Variants in CSN3 observed in about 807,000 individuals in gnomAD.
CSN3 encodes kappa-casein.
A neutral mutation model predicts 9.9 loss-of-function variants in CSN3; 7 were observed. That is an observed-to-expected ratio of 0.71 (90% CI 0.40 to 1.33). The LOEUF is 1.33. CSN3 is among the 40% of genes most tolerant of loss of function. The pLI is 0.01. For missense variants in CSN3, 253 were observed against 227.9 expected, an observed-to-expected ratio of 1.11 and a Z score of -0.71; for synonymous variants, 88 against 82.3, an observed-to-expected ratio of 1.07 and a Z score of -0.37.
intron 1 of CSN3, among the ~76,000 whole-genome samples, chr4:70,243,439 TC>T (rs1730310752): frequency 6.6e-6 from 1 of 152,052 alleles, no homozygotes; most frequent in East Asian, 1.9e-4. Flanking sequence ...CCAAATGAGT[TC>T]CATCGAATGG....
intron 1 of CSN3, chr4:70,243,078 T>G (rs919620481): frequency 9.5e-6 from 4 of 419,312 alleles, no homozygotes; most frequent in Non-Finnish European, 1.3e-5. Context: ...GGAATAATTA[T>G]TTTTTTAAAA....
upstream of CSN3, among the ~76,000 whole-genome samples, chr4:70,238,924 G>A (rs933130202): frequency 1.3e-5 from 2 of 151,790 alleles, no homozygotes; most frequent in Non-Finnish European, 2.9e-5. Context: ...TTTGGAAATA[G>A]AAGATTCTGT....
upstream of CSN3, among the ~76,000 whole-genome samples, chr4:70,240,285 T>C (rs1383513541): frequency 3.3e-5 from 5 of 151,962 alleles, no homozygotes; most frequent in Non-Finnish European, 7.4e-5. Context: ...GTACCCACAA[T>C]AGCCTCTTAC....
upstream of CSN3, among the ~76,000 whole-genome samples, chr4:70,238,530 T>G (rs1419316963): frequency 6.6e-6 from 1 of 151,920 alleles, no homozygotes; most frequent in Admixed American, 6.6e-5. Context: ...TGTAAGTGCA[T>G]AGGAATCCAT....
In CSN3 at chr4:70,244,841, G is replaced by T. The variant is rs762142502; in HGVS notation, c.22G>T (p.Val8Phe). ...AATAATGAAGAGTTTTCTTCTAGTT[G>T]TCAATGCCCTGGCATTAACCCTGCC... Residue 8 changes from valine to phenylalanine, a missense_variant, in exon 2 of 5, where the codon GTC becomes TTC. Coordinates refer to ENST00000304954, the Ensembl canonical transcript of CSN3. The T allele has an allele frequency of 1.2e-5, 19 of 1,563,798 alleles. No homozygotes were observed. The highest frequency in any genetic ancestry group is 1.6e-5 in the Non-Finnish European group (19 of 1,155,978).
rs770814279 is a variant in CSN3, at chr4:70,249,258, A to C, written c.348A>C (p.Ser116=). 1.6e-5 allele frequency: 26 copies of C among 1,613,936 alleles called. No homozygotes were observed. The Admixed American group carries it at 4.3e-4, about 27-fold the overall frequency. The change falls in exon 4 of 5, where the codon TCA becomes TCC. Residue 116 remains serine (S), a synonymous_variant. Transcript: ENST00000304954. ...TACGTCGCCCAAACCTGCATCCATC[A>C]TTTATTGCCATCCCCCCAAAGAAAA...
chr4:70,248,282 T>C (rs1403744060), intron 3 of CSN3, among the ~76,000 whole-genome samples: 1 of 152,178 alleles, frequency 6.6e-6, no homozygotes, highest in Non-Finnish European at 1.5e-5. Context: ...TACATTTAAA[T>C]GTGTCTCGTT....
chr4:70,248,901 T>C, intron 3 of CSN3, 97 bp from the exon 4 acceptor site: 1 of 807,518 alleles, frequency 1.2e-6, no homozygotes, highest in Non-Finnish European at 1.9e-6. Context: ...TCTTACTCAA[T>C]GGTAAATACT....
chr4:70,249,407 T>C lies in CSN3; in HGVS notation c.497T>C (p.Ile166Thr), dbSNP rs769771562. The change falls in exon 4 of 5, where the codon ATC becomes ACC. Residue 166 changes from isoleucine to threonine, a missense_variant. Coordinates refer to ENST00000304954, the Ensembl canonical transcript of CSN3. The stretch of plus-strand genomic sequence containing the variant: ...CCAGAAGCTTTTTCAGAGTCCATCA[T>C]CACGAGCACCCCTGAGACAACCACA... 34 of 1,613,894 alleles carry C rather than the reference T, an allele frequency of 2.1e-5. No individual in the cohort carries two copies. Among genetic ancestry groups the C allele is most frequent in the South Asian group, 7.7e-5 (7 of 91,084 alleles).
At chr4:70,243,233 A>G (rs528066284) in intron 1 of CSN3, 21 of 770,650 alleles carry the variant, frequency 2.7e-5, no homozygotes, top group Middle Eastern at 6.9e-4. Context: ...TGCCAAAAGG[A>G]AATTACTATC....
In CSN3 at chr4:70,243,385, C is replaced by T. The variant is rs79519710; in HGVS notation, c.-9+720C>T. Among the ~76,000 whole-genome samples the T allele has an allele frequency of 6.8e-3, 1,027 of 152,088 alleles. 6 individuals are homozygous for T. The highest frequency in any genetic ancestry group is 0.024 in the African/African-American group (976 of 41,504). ...TGAAGCATTAATAAGGAGCTTCATC[C>T]CACTTAAAGAAATATGAGTGTGCTT... On this transcript the variant is annotated intron_variant, in intron 1 of 4. Coordinates refer to ENST00000304954, the Ensembl canonical transcript of CSN3.
At chr4:70,245,041 C>A (rs1190953664) in intron 2 of CSN3, among the ~76,000 whole-genome samples, 168 bp downstream of exon 2, 1 of 151,954 alleles carries the variant, frequency 6.6e-6, no homozygotes, top group East Asian at 1.9e-4. Flanking sequence ...ATTATGAAAT[C>A]AAAGTCATGT....
exon 4 of CSN3, chr4:70,249,221 C>A (rs1730436335): frequency 6.2e-7 from 1 of 1,613,936 alleles, no homozygotes; most frequent in East Asian, 2.2e-5. Flanking sequence ...AATAGCCACC[C>A]ACCCACTGTG....
chr4:70,244,718 T>C lies in CSN3; in HGVS notation c.-8-94T>C, dbSNP rs144570777. On this transcript the variant is annotated intron_variant, in intron 1 of 4. Coordinates refer to ENST00000304954, the Ensembl canonical transcript of CSN3. ...CTAAATCTACCTGTAAATCTGGCTT[T>C]TTTTCTTAATCAAGGAAACATTGTA... The C allele has an allele frequency of 3.3e-3, 2,043 of 618,782 alleles. 3 individuals are homozygous for C. Among genetic ancestry groups the C allele is most frequent in the Non-Finnish European group, 4.3e-3 (1,826 of 423,156 alleles). The allele number at this position is 618,782 out of a possible 1,614,324, so 38.3% of individuals were successfully genotyped here. A position where few individuals can be genotyped will look rare whatever the true frequency, so the allele number is the denominator to read the frequency against.
intron 4 of CSN3, among the ~76,000 whole-genome samples, chr4:70,250,509 A>G (rs1730462243): frequency 6.6e-6 from 1 of 152,144 alleles, no homozygotes; most frequent in Admixed American, 6.5e-5. Flanking sequence ...ATGGGAAAGG[A>G]TTTTAAAAAC....
chr4:70,241,565 T>C (rs1174510404), upstream of CSN3, among the ~76,000 whole-genome samples: 2 of 152,044 alleles, frequency 1.3e-5, no homozygotes, highest in Non-Finnish European at 2.9e-5. Flanking sequence ...CATTATTTCT[T>C]TAGAAAAGCA....
At chr4:70,244,382 T>G in intron 1 of CSN3, among the ~76,000 whole-genome samples, 1 of 152,184 alleles carries the variant, frequency 6.6e-6, no homozygotes, top group Non-Finnish European at 1.5e-5. Flanking sequence ...CTCATCTATA[T>G]GTCATTTTTT....
At chr4:70,241,317 G>T (rs1730264969), upstream of CSN3, among the ~76,000 whole-genome samples, 1 of 151,946 alleles carries the variant, frequency 6.6e-6, no homozygotes, top group Non-Finnish European at 1.5e-5. Flanking sequence ...CAACTATTCT[G>T]AGAAACAGAA....
At chr4:70,239,862 A>C (rs1358705063), upstream of CSN3, among the ~76,000 whole-genome samples, 1 of 151,936 alleles carries the variant, frequency 6.6e-6, no homozygotes, top group Non-Finnish European at 1.5e-5. Context: ...TATTTTTTCC[A>C]TGGTTTTTAC....
Sources: allele counts gnomAD v4.1 joint callset (sites outside exome capture counted in the v4.1 genomes callset), GRCh38; gene constraint gnomAD v4.1.1; transcripts MANE v1.5; gene names NCBI Gene and HGNC (gene_info 2026-07-23, HGNC 2026-07-21).